HAO2: variants seen among roughly 807,000 people sequenced by gnomAD.
The protein encoded by HAO2 is 2-Hydroxyacid oxidase 2.
A neutral mutation model predicts 37.4 loss-of-function variants in HAO2; 42 were observed. The observed-to-expected ratio is 1.12, with a 90% CI of 0.88 to 1.45. The LOEUF (loss-of-function observed/expected upper bound fraction) is 1.45. Among genes scored for constraint, HAO2 ranks in the 40% most tolerant of loss-of-function variants. The pLI is 0.00. For missense variants in HAO2, 476 were observed against 430.2 expected (o/e 1.11, Z -0.94); for synonymous variants, 180 against 162.8 (o/e 1.11, Z -0.81).
intron 7 of HAO2, among the ~76,000 whole-genome samples, chr1:119,392,895 G>T (rs1221595362): frequency 6.6e-6 from 1 of 152,108 alleles, no homozygotes; most frequent in South Asian, 2.1e-4. Context: ...CAGCTCTGGG[G>T]AGTGTCACCT....
At chr1:119,374,237 A>C (rs1396050407) in intron 1 of HAO2, among the ~76,000 whole-genome samples, 1 of 152,036 alleles carries the variant, frequency 6.6e-6, no homozygotes, top group Non-Finnish European at 1.5e-5. Context: ...TCTTCCCTGA[A>C]CCCAACACTG....
At chr1:119,385,767 C>T in intron 4 of HAO2, 1 of 985,334 alleles carries the variant, frequency 1.0e-6, no homozygotes, top group Non-Finnish European at 1.2e-6. Context: ...GCAACTGTGA[C>T]ACCAAGCCAA....
chr1:119,385,501 A>G lies in HAO2; in HGVS notation c.561+448A>G, dbSNP rs150875374. The G allele has an allele frequency of 1.0e-5, 8 of 790,726 alleles. No homozygotes were observed. The African/African-American group carries it at 1.3e-4, about 13-fold the overall frequency. 49.0% of individuals were successfully genotyped at this position (790,726 alleles called of 1,614,324 possible). On this transcript the variant is annotated intron_variant, in intron 4 of 7. Coordinates refer to ENST00000325945, the MANE Select transcript of HAO2 (RefSeq NM_016527.4). ...ACCAAAGTGACTGGCCAGACAGTCT[A>G]GACAGGCCAGGTTCTACCTTACTGC...
intron 6 of HAO2, 39 bp from the exon 7 acceptor site, chr1:119,392,579 A>G: frequency 2.3e-6 from 3 of 1,332,538 alleles, no homozygotes; most frequent in East Asian, 2.3e-5. Context: ...ATGTTCCTTT[A>G]TGTCTCTTTG....
intron 7 of HAO2, 124 bp downstream of exon 7, chr1:119,392,811 A>G: frequency 1.4e-6 from 1 of 735,246 alleles, no homozygotes; most frequent in East Asian, 2.5e-5. Context: ...TAGGACAGGC[A>G]GGCAACTTTC....
At chr1:119,379,739 G>A (rs1037312416) in intron 1 of HAO2, among the ~76,000 whole-genome samples, 1 of 152,030 alleles carries the variant, frequency 6.6e-6, no homozygotes, top group Non-Finnish European at 1.5e-5. Context: ...CACTTCCTGG[G>A]GGCTCTGTTT....
At chr1:119,392,788 G>T in intron 7 of HAO2, 101 bp downstream of exon 7, 1 of 808,430 alleles carries the variant, frequency 1.2e-6, no homozygotes, top group Non-Finnish European at 2.2e-6. Context: ...TGATGTGGTA[G>T]CTGTCCAAAA....
At chr1:119,375,547 C>T (rs1649388937) in intron 1 of HAO2, among the ~76,000 whole-genome samples, 1 of 152,114 alleles carries the variant, frequency 6.6e-6, no homozygotes, top group African/African-American at 2.4e-5. Context: ...ATGAGAATGT[C>T]TATCTTTAGA....
At chr1:119,393,710 A>G in intron 7 of HAO2, 75 bp from the exon 8 acceptor site, 1 of 1,210,016 alleles carries the variant, frequency 8.3e-7, no homozygotes, top group Non-Finnish European at 1.2e-6. Flanking sequence ...GCTCCCCTTC[A>G]TCACCCCTTA....
chr1:119,387,563 T>C (rs763092000), intron 5 of HAO2, among the ~76,000 whole-genome samples: 13 of 152,326 alleles, frequency 8.5e-5, no homozygotes, highest in Admixed American at 8.5e-4. Context: ...ATTTTATCAC[T>C]ATCACTAACG....
At chr1:119,383,265 T>G (rs1050511889) in intron 3 of HAO2, among the ~76,000 whole-genome samples, 199 bp downstream of exon 3, 1 of 152,210 alleles carries the variant, frequency 6.6e-6, no homozygotes, top group African/African-American at 2.4e-5. Flanking sequence ...TAATAAAGAA[T>G]AGTTAGAGTG....
At chr1:119,372,650 G>A (rs587667791) in intron 1 of HAO2, among the ~76,000 whole-genome samples, 32 of 152,322 alleles carry the variant, frequency 2.1e-4, no homozygotes, top group Middle Eastern at 3.4e-3. Flanking sequence ...CGTACCTCTT[G>A]TAAAAGGGAA....
intron 5 of HAO2, among the ~76,000 whole-genome samples, chr1:119,390,269 T>C (rs1255089653): frequency 2.6e-5 from 4 of 151,972 alleles, no homozygotes; most frequent in Admixed American, 1.3e-4. Context: ...TATTTTTTTT[T>C]ATTTGTAGTT....
intron 1 of HAO2, among the ~76,000 whole-genome samples, chr1:119,378,574 C>T (rs916650820): frequency 1.2e-3 from 182 of 152,196 alleles, no homozygotes; most frequent in African/African-American, 4.1e-3. Context: ...GAAGAGGTAT[C>T]GAAATGAGAT....
intron 5 of HAO2, among the ~76,000 whole-genome samples, chr1:119,388,967 C>A (rs2101261849): frequency 6.7e-6 from 1 of 149,876 alleles, no homozygotes; most frequent in East Asian, 2.0e-4. Context: ...CATGGTGTCA[C>A]TCTTATGCCT....
rs150686082 is a variant in HAO2, at chr1:119,382,858, G to A, written c.132-57G>A. On this transcript the variant is annotated intron_variant, in intron 2 of 7. Coordinates refer to ENST00000325945, the MANE Select transcript of HAO2 (RefSeq NM_016527.4). ...ATCAGGGGGGTCCACCCCAGACAAC[G>A]CCTCCCTGCTGCAGAATCATCTCAC... is the stretch of plus-strand genomic sequence containing the variant. 4.3e-5 allele frequency: 66 copies of A among 1,550,002 alleles called. No homozygotes were observed. The African/African-American group carries it at 6.2e-4, about 15-fold the overall frequency.
chr1:119,393,847 A>C lies in HAO2; in HGVS notation c.*7A>C, dbSNP rs761938868. The C allele has an allele frequency of 1.4e-5, 23 of 1,612,188 alleles. No homozygotes were observed. Among genetic ancestry groups the C allele is most frequent in the Non-Finnish European group, 1.9e-5 (22 of 1,178,604 alleles). On this transcript the variant is annotated 3_prime_UTR_variant, in exon 8 of 8. Transcript: ENST00000325945. Reference sequence around the variant, plus strand: ...CCAGTTTTCCAGGCTGTAAGAAAAAAGGGCCAATAACCAGACTGCTGAGGT... The same window carrying C: ...CCAGTTTTCCAGGCTGTAAGAAAAACGGGCCAATAACCAGACTGCTGAGGT...
intron 5 of HAO2, among the ~76,000 whole-genome samples, chr1:119,390,489 T>C (rs1399166850): frequency 6.6e-6 from 1 of 152,198 alleles, no homozygotes; most frequent in Non-Finnish European, 1.5e-5. Flanking sequence ...CCTCAGGTGG[T>C]TCACCCGCCT....
In HAO2 at chr1:119,385,023, A is replaced by G. The variant is rs763085093; in HGVS notation, c.531A>G (p.Leu177=). 1 of 1,613,294 alleles carries G rather than the reference A, an allele frequency of 6.2e-7. No homozygotes were observed. Among genetic ancestry groups the G allele is most frequent in the Non-Finnish European group, 8.5e-7 (1 of 1,179,368 alleles). ...TTCGAAACCAGTTGAGGAGGAACTT[A>G]ACACTAACAGATCTTCAATCACCTA... ...HDIRNQLRRN[L]TLTDLQSPKK... is the part of the protein sequence containing the mutation. The change falls in exon 4 of 8, where the codon TTA becomes TTG. Residue 177 remains leucine (L), a synonymous_variant. Coordinates refer to ENST00000325945, the MANE Select transcript of HAO2 (RefSeq NM_016527.4).
Sources: gnomAD v4.1 joint callset for allele counts (sites outside exome capture counted in the v4.1 genomes callset) on GRCh38, gnomAD v4.1.1 for gene constraint, MANE v1.5 for transcripts, NCBI Gene and HGNC (gene_info 2026-07-23, HGNC 2026-07-21) for gene names.